Variants in ARID1A observed in about 807,000 individuals in gnomAD.
ARID1A encodes the protein AT-rich interaction domain 1A.
A neutral mutation model predicts 212.6 loss-of-function variants in ARID1A; 20 were observed. The ratio of observed to expected loss-of-function variants is 0.09; its 90% confidence interval spans 0.07 to 0.14. The LOEUF is 0.14. ARID1A is among the 10% of genes least tolerant of loss of function. ARID1A has a pLI of 1.00. For missense variants in ARID1A, 2,587 were observed against 3,059.0 expected, an observed-to-expected ratio of 0.85 and a Z score of 3.64; for synonymous variants, 1,376 against 1,222.1, an observed-to-expected ratio of 1.13 and a Z score of -2.63.
chr1:26,746,302 C>T (rs2080834831), intron 4 of ARID1A, among the ~76,000 whole-genome samples: 1 of 152,164 alleles, frequency 6.6e-6, no homozygotes, highest in Non-Finnish European at 1.5e-5. Flanking sequence ...TGGATGAACT[C>T]AGTTGTTGTA....
chr1:26,739,604 TGTGGG>T, intron 4 of ARID1A, among the ~76,000 whole-genome samples: 1 of 152,188 alleles, frequency 6.6e-6, no homozygotes, highest in African/African-American at 2.4e-5. Flanking sequence ...GAAGGCACAC[TGTGGG>T]TTAAGAATGG....
At chr1:26,721,644 A>G (rs2080566100) in intron 1 of ARID1A, among the ~76,000 whole-genome samples, 1 of 152,250 alleles carries the variant, frequency 6.6e-6, no homozygotes, top group South Asian at 2.1e-4. Flanking sequence ...CATTTTAGGA[A>G]GAGCATTTTC....
At chr1:26,729,342 C>G (rs2080650129) in intron 1 of ARID1A, 6 of 389,222 alleles carry the variant, frequency 1.5e-5, no homozygotes, top group Non-Finnish European at 2.4e-5. Context: ...CCGTCCTCTA[C>G]CAACTGAAGG....
chr1:26,733,946 C>T (rs919758472), intron 4 of ARID1A, among the ~76,000 whole-genome samples: 1 of 152,182 alleles, frequency 6.6e-6, no homozygotes, highest in Non-Finnish European at 1.5e-5. Flanking sequence ...CTCTGAGACA[C>T]CTCAATAGGG....
In ARID1A at chr1:26,767,837, T is replaced by C. The variant is rs911900894; in HGVS notation, c.3036T>C (p.Tyr1012=). 5.6e-6 allele frequency: 9 copies of C among 1,611,982 alleles called. No homozygotes were observed. The highest frequency in any genetic ancestry group is 7.6e-6 in the Non-Finnish European group (9 of 1,178,216). ...CCAATGAGAAGATCACCAAGTTGTA[T>C]GAGCTGGGTGGTGAGCCTGAGAGGA... ...TTTNEKITKL[Y]ELGGEPERKM... Residue 1012 remains tyrosine, a synonymous_variant, in exon 11 of 20, where the codon TAT becomes TAC. Transcript: ENST00000324856.
At position 26,781,771 on chromosome 1, in the gene ARID1A, C is replaced by T. The variant is rs976778050; in HGVS notation, c.*1015C>T. 5.6e-5 allele frequency: 13 copies of T among 233,542 alleles called. No homozygotes were observed. The highest frequency in any genetic ancestry group is 2.9e-4 in the African/African-American group (13 of 45,340). 14.5% of individuals were successfully genotyped at this position (233,542 alleles called of 1,614,324 possible). A position where few individuals can be genotyped will look rare whatever the true frequency, so the allele number is the denominator to read the frequency against. On this transcript the variant is annotated 3_prime_UTR_variant, in exon 20 of 20. Transcript: ENST00000324856. The stretch of plus-strand genomic sequence containing the variant: ...TTGCCAGATATCGCCCCTCTTGGTG[C>T]GATGCTGTACAGGTCTCTGTAAAAA...
Position 26,760,070 on chromosome 1 carries a change from A to G in ARID1A, c.1921-786A>G, listed in dbSNP as rs78132271. On this transcript the variant is annotated intron_variant, in intron 4 of 19. Transcript: ENST00000324856. The stretch of plus-strand genomic sequence containing the variant: ...ATAAATGTTTCCCAAACTTGTTAAC[A>G]TTCTCTTGTAGCTCCTGGTGCCATC... 1.5e-3 allele frequency among the ~76,000 whole-genome samples: 229 copies of G among 152,338 alleles called. 1 individual carries two copies. The highest frequency in any genetic ancestry group is 2.9e-3 in the Non-Finnish European group (199 of 68,030).
rs2124068280 is a variant in ARID1A, at chr1:26,763,044, G to A, written c.2491G>A (p.Gly831Ser). Residue 831 changes from glycine to serine, a missense_variant, in exon 8 of 20, where the codon GGC becomes AGC. Around this residue, in one of 11 missense-constraint regions of ARID1A, gnomAD observed 674 missense variants for 813.4 expected, o/e 0.83. Coordinates refer to ENST00000324856, the MANE Select transcript of ARID1A (RefSeq NM_006015.6). ...ANYPSAGMAG[G>S]INPMGAGGQM... The stretch of plus-strand genomic sequence containing the variant: ...CTACCCCAGTGCAGGCATGGCTGGA[G>A]GCATAAACCCCATGGGTGCCGGAGG... 2 of 1,614,070 alleles carry A rather than the reference G, an allele frequency of 1.2e-6. No individual in the cohort carries two copies. The highest frequency in any genetic ancestry group is 1.3e-5 in the African/African-American group (1 of 75,054).
intron 8 of ARID1A, among the ~76,000 whole-genome samples, chr1:26,763,871 C>A (rs1218277650): frequency 6.6e-6 from 1 of 152,232 alleles, no homozygotes; most frequent in African/African-American, 2.4e-5. Flanking sequence ...TCACTGCAGC[C>A]TCGACCTCCC....
chr1:26,708,820 G>A (rs1429633581), intron 1 of ARID1A, among the ~76,000 whole-genome samples: 1 of 151,370 alleles, frequency 6.6e-6, no homozygotes, highest in Non-Finnish European at 1.5e-5. Flanking sequence ...TCAGCCTCCC[G>A]AGTAGCTGGG....
In ARID1A at chr1:26,713,419, C is replaced by T. The variant is rs368665057; in HGVS notation, c.1137+15879C>T. 6.7e-5 allele frequency among the ~76,000 whole-genome samples: 10 copies of T among 148,826 alleles called. No individual in the cohort carries two copies. The East Asian group carries it at 1.2e-3, about 18-fold the overall frequency. On this transcript the variant is annotated intron_variant, in intron 1 of 19. Coordinates refer to ENST00000324856, the MANE Select transcript of ARID1A (RefSeq NM_006015.6). ...TGTTGCGCAGGCTGGAGTGCAATGG[C>T]GTGATCTTGGCTTTCTGCAACTTCT...
intron 19 of ARID1A, chr1:26,778,183 G>A (rs1328687279): frequency 6.6e-6 from 1 of 151,648 alleles, no homozygotes; most frequent in Non-Finnish European, 1.5e-5. Context: ...AAAATCGCTT[G>A]AACCCAGGAG....
intron 4 of ARID1A, among the ~76,000 whole-genome samples, chr1:26,751,277 C>G (rs2080883186): frequency 6.6e-6 from 1 of 151,708 alleles, no homozygotes; most frequent in Non-Finnish European, 1.5e-5. Flanking sequence ...CAGGGGAACA[C>G]ATAGCATCAC....
Position 26,696,210 on chromosome 1 carries a change from C to T in ARID1A, c.-194C>T. ...GCCGCCGCCGCCTCCTCCTCCTCCGCCGCCGCCAGCCCGGAGCCTGAGCCG... is the reference window on the plus strand; with the variant it reads ...GCCGCCGCCGCCTCCTCCTCCTCCGTCGCCGCCAGCCCGGAGCCTGAGCCG... On this transcript the variant is annotated 5_prime_UTR_variant, in exon 1 of 20. Transcript: ENST00000324856. 1 of 777,996 alleles carries T rather than the reference C, an allele frequency of 1.3e-6. No individual in the cohort carries two copies. Among genetic ancestry groups the T allele is most frequent in the Non-Finnish European group, 1.7e-6 (1 of 597,380 alleles). The allele number at this position is 777,996 out of a possible 1,614,324, so 48.2% of individuals were successfully genotyped here.
In ARID1A at chr1:26,780,181, C is replaced by T. The variant is rs2081178024; in HGVS notation, c.6283C>T (p.Pro2095Ser). 1.9e-6 allele frequency: 3 copies of T among 1,614,154 alleles called. No homozygotes were observed. The highest frequency in any genetic ancestry group is 2.5e-6 in the Non-Finnish European group (3 of 1,180,022). Residue 2095 changes from proline to serine, a missense_variant, in exon 20 of 20, where the codon CCT (proline) becomes TCT (serine). This residue lies in a region of ARID1A where 168 missense variants were observed against 321.0 expected (regional missense o/e 0.52). Transcript: ENST00000324856. This position sits in a 1 kb window ranked among gnomAD's most constrained non-coding sequence, Gnocchi z 7.2. ...CGGACTCCTACACTGGGCAGTTTGC[C>T]CTTCAGCTGAAGCCCAGGACCCCTT... ...LDGLLHWAVC[P>S]SAEAQDPFST...
rs765337524 is a variant in ARID1A, at chr1:26,731,453, A to T, written c.1652A>T (p.Tyr551Phe). ...TQQHPQSQPP[Y>F]SQPQAQSPYQ... Reference sequence around the variant, plus strand: ...CAGCACCCCCAGAGCCAGCCCCCCTACTCACAGCCACAGGCTCAGTCTCCT... The same window carrying T: ...CAGCACCCCCAGAGCCAGCCCCCCTTCTCACAGCCACAGGCTCAGTCTCCT... The change falls in exon 3 of 20, where the codon TAC (tyrosine) becomes TTC (phenylalanine). Residue 551 changes from tyrosine (Y) to phenylalanine (F), a missense_variant. By Grantham distance (22) the Tyr-to-Phe change is conservative. Around this residue, in one of 11 missense-constraint regions of ARID1A, gnomAD observed 674 missense variants for 813.4 expected, o/e 0.83. Coordinates refer to ENST00000324856, the MANE Select transcript of ARID1A (RefSeq NM_006015.6). The T allele has an allele frequency of 6.2e-7, 1 of 1,612,368 alleles. No homozygotes were observed. Among genetic ancestry groups the T allele is most frequent in the Non-Finnish European group, 8.5e-7 (1 of 1,179,498 alleles).
At chr1:26,769,389 AGTTT>A (rs776971250) in intron 11 of ARID1A, 4 of 152,256 alleles carry the variant, frequency 2.6e-5, no homozygotes, top group Non-Finnish European at 4.4e-5. Context: ...TTTATAAGTT[AGTTT>A]GTGAAGGCTC....
chr1:26,725,038 A>C (rs2080603544), intron 1 of ARID1A, among the ~76,000 whole-genome samples: 1 of 151,300 alleles, frequency 6.6e-6, no homozygotes, highest in Non-Finnish European at 1.5e-5. Flanking sequence ...AGGGGGCCCG[A>C]CTTTGCTGAT....
At chr1:26,772,437 T>A (rs2124103208) in intron 12 of ARID1A, 63 bp from the exon 13 acceptor site, 1 of 1,609,184 alleles carries the variant, frequency 6.2e-7, no homozygotes, top group South Asian at 1.1e-5. Flanking sequence ...CGTTCGTGTG[T>A]TTGTGTGAGA....
Sources: allele counts gnomAD v4.1 joint callset (sites outside exome capture counted in the v4.1 genomes callset), GRCh38; gene constraint gnomAD v4.1.1; regional missense constraint gnomAD v4.1.1; non-coding constraint Gnocchi (gnomAD v3.1); transcripts MANE v1.5; gene names NCBI Gene and HGNC (gene_info 2026-07-23, HGNC 2026-07-21).